HEPHL1: variants seen among roughly 807,000 people sequenced by gnomAD.
The protein encoded by HEPHL1 is ferroxidase HEPHL1.
A neutral mutation model predicts 122.0 loss-of-function variants in HEPHL1; 123 were observed. The ratio of observed to expected loss-of-function variants is 1.01; its 90% confidence interval spans 0.87 to 1.17. The LOEUF (loss-of-function observed/expected upper bound fraction) is 1.17, where lower values mean the gene tolerates loss of function less well. HEPHL1 is among the 50% of genes most tolerant of loss of function. HEPHL1 has a pLI of 0.00. For synonymous variants in HEPHL1, 527 were observed against 508.9 expected (o/e 1.04, Z -0.48); for missense variants, 1,452 against 1,430.5 (o/e 1.01, Z -0.24).
chr11:94,073,495 A>G, intron 8 of HEPHL1, 56 bp downstream of exon 8: 2 of 1,506,680 alleles, frequency 1.3e-6, no homozygotes, highest in Non-Finnish European at 1.8e-6. Flanking sequence ...AAGCACTTAG[A>G]AATAAACAGT....
chr11:94,072,101 A>G (rs1413454042), intron 6 of HEPHL1, among the ~76,000 whole-genome samples: 3 of 152,180 alleles, frequency 2.0e-5, no homozygotes, highest in Non-Finnish European at 2.9e-5. Context: ...TAATGTATTA[A>G]GTGAAAAAAT....
intron 12 of HEPHL1, 52 bp downstream of exon 12, chr11:94,089,020 T>G: frequency 1.3e-6 from 2 of 1,501,014 alleles, no homozygotes; most frequent in Non-Finnish European, 1.9e-6. Context: ...GCATGCTCCG[T>G]AGGTCTTTAG....
rs1254934255 is a variant in HEPHL1, at chr11:94,088,980, GC to G, written c.2294+14del. 6.2e-7 allele frequency: 1 copy of G among 1,612,398 alleles called. No homozygotes were observed. Among genetic ancestry groups the G allele is most frequent in the Non-Finnish European group, 8.5e-7 (1 of 1,178,600 alleles). ...GCAAGAGGGGAAAGGTACCACAGGC[GC>G]CGCCGCTAGGGCTCCTCGGTGGGAT... On this transcript the variant is annotated intron_variant, in intron 12 of 19. Transcript: ENST00000315765.
Position 94,113,908 on chromosome 11 carries a change from T to C in HEPHL1, c.*2014T>C, listed in dbSNP as rs1014348178. On this transcript the variant is annotated 3_prime_UTR_variant, in exon 20 of 20. Transcript: ENST00000315765. Reference sequence around the variant, plus strand: ...AAATAGTGTATCTCCACAAATAATATGACTTCTCAAACATTGTTTCCTCAA... The same window carrying C: ...AAATAGTGTATCTCCACAAATAATACGACTTCTCAAACATTGTTTCCTCAA... 2.0e-5 allele frequency among the ~76,000 whole-genome samples: 3 copies of C among 152,230 alleles called. No individual in the cohort carries two copies. Among genetic ancestry groups the C allele is most frequent in the Non-Finnish European group, 4.4e-5 (3 of 68,042 alleles).
chr11:94,021,479 C>G lies in HEPHL1; in HGVS notation c.111C>G (p.Tyr37Ter), dbSNP rs1375804179. The change falls in exon 1 of 20, where the codon TAC (tyrosine) becomes TAG (stop). Residue 37 changes from tyrosine (Y) to a stop codon, truncating the protein, a stop_gained. Coordinates refer to ENST00000315765, the MANE Select transcript of HEPHL1 (RefSeq NM_001098672.2). LOFTEE classifies it high-confidence loss of function. ...ACTACATTGGGATTGTGGAAGAATA[C>G]TGGAACTATGTACCCCAAGGGAAGA... Reference protein sequence around the residue: ...RTYYIGIVEEYWNYVPQGKNV... With the variant: ...RTYYIGIVEE 26 of 1,613,182 alleles carry G rather than the reference C, an allele frequency of 1.6e-5. No individual in the cohort carries two copies. The highest frequency in any genetic ancestry group is 1.9e-5 in the Non-Finnish European group (22 of 1,179,362).
At chr11:94,084,179 C>G (rs549468333) in intron 10 of HEPHL1, among the ~76,000 whole-genome samples, 3 of 151,640 alleles carry the variant, frequency 2.0e-5, no homozygotes, top group East Asian at 1.9e-4. Context: ...ACAAAATTAG[C>G]CAGGTATGGT....
At chr11:94,023,816 C>T (rs995228144) in intron 1 of HEPHL1, among the ~76,000 whole-genome samples, 3 of 152,168 alleles carry the variant, frequency 2.0e-5, no homozygotes, top group Non-Finnish European at 4.4e-5. Flanking sequence ...TGGCTTTTAT[C>T]AGTGATCCCA....
At chr11:94,052,594 T>A (rs1945899713) in intron 2 of HEPHL1, among the ~76,000 whole-genome samples, 1 of 152,166 alleles carries the variant, frequency 6.6e-6, no homozygotes, top group South Asian at 2.1e-4. Context: ...CCAGTTTGGA[T>A]GTCCTTATTT....
chr11:94,057,748 TA>T (rs1312318336), intron 2 of HEPHL1, among the ~76,000 whole-genome samples: 6 of 152,206 alleles, frequency 3.9e-5, no homozygotes, highest in African/African-American at 1.4e-4. Context: ...CTTTCTCTGC[TA>T]AATTCAACCT....
chr11:94,042,882 A>AAAAACAAAAAACAAAC (rs1555058756), intron 1 of HEPHL1, among the ~76,000 whole-genome samples: 1 of 136,838 alleles, frequency 7.3e-6, no homozygotes, highest in African/African-American at 2.8e-5. Flanking sequence ...TAATAAAAAA[A>AAAAACAAAAAACAAAC]AAAAAAAAAA....
chr11:94,074,130 G>A (rs1035740694), intron 8 of HEPHL1, among the ~76,000 whole-genome samples: 15 of 152,060 alleles, frequency 9.9e-5, no homozygotes, highest in African/African-American at 3.4e-4. Context: ...CGAGTGTGAT[G>A]CCAGGCCCAG....
At chr11:94,042,655 C>G (rs1310909504) in intron 1 of HEPHL1, among the ~76,000 whole-genome samples, 1 of 143,054 alleles carries the variant, frequency 7.0e-6, no homozygotes, top group Non-Finnish European at 1.5e-5. Flanking sequence ...TATTCTCACT[C>G]ATAGGTGGGA....
At chr11:94,098,805 C>A (rs989866718) in intron 13 of HEPHL1, among the ~76,000 whole-genome samples, 1 of 152,204 alleles carries the variant, frequency 6.6e-6, no homozygotes, top group Non-Finnish European at 1.5e-5. Context: ...TTGATCGAAT[C>A]GGCTACTGAA....
intron 2 of HEPHL1, among the ~76,000 whole-genome samples, chr11:94,052,673 T>G (rs1945900441): frequency 6.6e-6 from 1 of 151,968 alleles, no homozygotes; most frequent in African/African-American, 2.4e-5. Flanking sequence ...TTGTTGAGAG[T>G]TTTTCACTAA....
At chr11:94,065,921 T>C (rs1048660847) in intron 4 of HEPHL1, among the ~76,000 whole-genome samples, 1 of 152,212 alleles carries the variant, frequency 6.6e-6, no homozygotes, top group Non-Finnish European at 1.5e-5. Context: ...CAATGGCTCA[T>C]GCCTATAATC....
At chr11:94,062,677 C>T (rs184611012) in intron 2 of HEPHL1, among the ~76,000 whole-genome samples, 96 of 152,042 alleles carry the variant, frequency 6.3e-4, no homozygotes, top group African/African-American at 2.2e-3. Context: ...TAGCTCCTCC[C>T]GTCCTTTAAG....
intron 6 of HEPHL1, among the ~76,000 whole-genome samples, chr11:94,071,232 G>A (rs980718296): frequency 3.3e-5 from 5 of 152,098 alleles, no homozygotes; most frequent in Admixed American, 2.0e-4. Context: ...ACTAAAAAAT[G>A]TACAGTGTGA....
intron 2 of HEPHL1, among the ~76,000 whole-genome samples, chr11:94,048,077 G>T (rs1363585824): frequency 7.9e-5 from 12 of 152,056 alleles, no homozygotes; most frequent in Non-Finnish European, 1.3e-4. Flanking sequence ...TATTTTCTAT[G>T]TCTATGAATG....
At chr11:94,055,585 C>T (rs993918255) in intron 2 of HEPHL1, 23 of 299,440 alleles carry the variant, frequency 7.7e-5, no homozygotes, top group African/African-American at 4.1e-4. Flanking sequence ...AGTAAGCAAT[C>T]GGTAACATGA....
Sources: gnomAD v4.1 joint callset for allele counts (sites outside exome capture counted in the v4.1 genomes callset) on GRCh38, gnomAD v4.1.1 for gene constraint, MANE v1.5 for transcripts, NCBI Gene and HGNC (gene_info 2026-07-23, HGNC 2026-07-21) for gene names.